Variants in MGA observed in about 807,000 individuals in gnomAD.
MGA encodes the protein MAX gene-associated protein.
Under a neutral mutation model 261.1 loss-of-function variants are expected in MGA, and 40 were observed. The observed-to-expected ratio is 0.15, with a 90% CI of 0.12 to 0.20. The LOEUF is 0.20. Ranked by LOEUF, MGA falls within the 10% of genes least tolerant of loss-of-function variation. MGA has a pLI of 1.00. For synonymous variants in MGA, 1,302 were observed against 1,290.6 expected (o/e 1.01, Z -0.19); for missense variants, 3,397 against 3,630.5 (o/e 0.94, Z 1.65).
chr15:41,661,623 G>A (rs2057407287), intron 1 of MGA, among the ~76,000 whole-genome samples: 1 of 152,144 alleles, frequency 6.6e-6, no homozygotes, highest in Non-Finnish European at 1.5e-5. Context: ...CTTTCCCAAG[G>A]TTCGCCTCGC....
At position 41,696,499 on chromosome 15, in the gene MGA, G is replaced by A; in HGVS notation, c.1489G>A (p.Asp497Asn). 1 of 1,613,962 alleles carries A rather than the reference G, an allele frequency of 6.2e-7. No homozygotes were observed. The highest frequency in any genetic ancestry group is 8.5e-7 in the Non-Finnish European group (1 of 1,179,904). Reference sequence around the variant, plus strand: ...TAACATGCTTTCCACATCTCGAAAGGATAAATCTTCTATGTTGGCAGAATT... The same window carrying A: ...TAACATGCTTTCCACATCTCGAAAGAATAAATCTTCTATGTTGGCAGAATT... The change falls in exon 3 of 24, where the codon GAT becomes AAT. Residue 497 changes from aspartate to asparagine, a missense_variant. By Grantham distance (23) the Asp-to-Asn change is conservative. Transcript: ENST00000219905.
upstream of MGA, among the ~76,000 whole-genome samples, chr15:41,656,345 T>TCTCTCTCTCTCTCTCTCTCTC (rs2057182534): frequency 2.2e-4 from 3 of 13,950 alleles, no homozygotes; most frequent in African/African-American, 3.6e-4. Context: ...TCTCCTCTCT[T>TCTCTCTCTCTCTCTCTCTCTC]CTCTCTCTCT....
At chr15:41,719,247 G>C (rs2060815319) in intron 9 of MGA, among the ~76,000 whole-genome samples, 1 of 151,932 alleles carries the variant, frequency 6.6e-6, no homozygotes, top group Non-Finnish European at 1.5e-5. Flanking sequence ...GATTTTAAGA[G>C]GCCTAAATAA....
intron 9 of MGA, among the ~76,000 whole-genome samples, chr15:41,717,003 A>T (rs1300975624): frequency 6.6e-6 from 1 of 152,166 alleles, no homozygotes; most frequent in Admixed American, 6.5e-5. Context: ...AGGTTCTATC[A>T]TTTAAACCTT....
At chr15:41,715,899 G>A (rs1178873563) in intron 9 of MGA, among the ~76,000 whole-genome samples, 1 of 152,102 alleles carries the variant, frequency 6.6e-6, no homozygotes, top group Non-Finnish European at 1.5e-5. Flanking sequence ...CTTAAGACAA[G>A]CATTTCCATT....
intron 12 of MGA, among the ~76,000 whole-genome samples, chr15:41,735,239 T>C (rs1047944216): frequency 1.3e-5 from 2 of 152,160 alleles, no homozygotes; most frequent in African/African-American, 4.8e-5. Flanking sequence ...GCCCTTGACA[T>C]ACCAGTACAC....
intron 12 of MGA, among the ~76,000 whole-genome samples, chr15:41,735,031 G>A (rs2061695247): frequency 6.6e-6 from 1 of 152,208 alleles, no homozygotes; most frequent in Non-Finnish European, 1.5e-5. Flanking sequence ...GTAGTGGTCA[G>A]GTGGTTACCA....
chr15:41,699,134 G>C lies in MGA; in HGVS notation c.2163G>C (p.Gln721His). The C allele has an allele frequency of 6.2e-7, 1 of 1,610,678 alleles. No homozygotes were observed. Among genetic ancestry groups the C allele is most frequent in the Non-Finnish European group, 8.5e-7 (1 of 1,178,276 alleles). The change falls in exon 5 of 24, where the codon CAG becomes CAC. Residue 721 changes from glutamine to histidine, a missense_variant. By Grantham distance (24) the Gln-to-His change is conservative (BLOSUM62 0). Around this residue, in one of 9 missense-constraint regions of MGA, gnomAD observed 563 missense variants for 563.6 expected, o/e 1.00. Transcript: ENST00000219905. ...ATTTGAAGACTTTGCGGCACAAGCA[G>C]GTGATACATCCTGGTCTTCAAGAAG...
At chr15:41,666,940 A>G (rs1039315247) in intron 1 of MGA, among the ~76,000 whole-genome samples, 1 of 152,200 alleles carries the variant, frequency 6.6e-6, no homozygotes, top group Non-Finnish European at 1.5e-5. Context: ...ATAGGATGAT[A>G]TATGGATTTG....
intron 22 of MGA, among the ~76,000 whole-genome samples, chr15:41,762,883 G>A (rs956570823): frequency 6.6e-6 from 1 of 152,108 alleles, no homozygotes; most frequent in Non-Finnish European, 1.5e-5. Flanking sequence ...ATCCTGAGAA[G>A]TTACCAGTCC....
In MGA at chr15:41,687,163, T is replaced by C. The variant is rs184372372; in HGVS notation, c.1065-8912T>C. Among the ~76,000 whole-genome samples the C allele has an allele frequency of 4.6e-5, 7 of 152,306 alleles. No homozygotes were observed. In the East Asian group the frequency reaches 1.3e-3, roughly 29 times the overall value. On this transcript the variant is annotated intron_variant, in intron 2 of 23. Transcript: ENST00000219905. ...CATTGATTTTTCTCTCATCATTAAC[T>C]CCTTTGTTCTACTTGTTTTTGGTTT...
At chr15:41,687,918 G>A (rs904591301) in intron 2 of MGA, among the ~76,000 whole-genome samples, 4 of 151,920 alleles carry the variant, frequency 2.6e-5, no homozygotes, top group Non-Finnish European at 4.4e-5. Flanking sequence ...ATCTCCCACC[G>A]TATTTGTGGA....
chr15:41,748,265 A>T lies in MGA; in HGVS notation c.5213-372A>T, dbSNP rs76522043. ...AACCCTGCCTCTTTAAAAAAAAAAA[A>T]ATATAGACTGGGCGCGGTGGCTCAC... On this transcript the variant is annotated intron_variant, in intron 15 of 23. Transcript: ENST00000219905. 2.0e-3 allele frequency among the ~76,000 whole-genome samples: 299 copies of T among 151,726 alleles called. 1 individual carries two copies. The highest frequency in any genetic ancestry group is 2.6e-3 in the African/African-American group (109 of 41,364).
intron 19 of MGA, among the ~76,000 whole-genome samples, chr15:41,758,239 C>T (rs1185598263): frequency 2.6e-5 from 4 of 151,960 alleles, no homozygotes; most frequent in African/African-American, 9.7e-5. Context: ...AAAAATAAAC[C>T]TTTAATTTTC....
intron 5 of MGA, among the ~76,000 whole-genome samples, chr15:41,702,019 C>CT (rs1275341487): frequency 6.6e-6 from 1 of 151,832 alleles, no homozygotes; most frequent in Non-Finnish European, 1.5e-5. Flanking sequence ...CCTTGGCTTC[C>CT]TTTAAAAAGC....
chr15:41,697,955 G>A (rs766603598), intron 3 of MGA, among the ~76,000 whole-genome samples: 3 of 151,962 alleles, frequency 2.0e-5, no homozygotes, highest in Admixed American at 6.6e-5. Context: ...TGCAAACTCC[G>A]CCTCCTGTGT....
At chr15:41,695,628 G>A (rs2059518556) in intron 2 of MGA, among the ~76,000 whole-genome samples, 1 of 152,136 alleles carries the variant, frequency 6.6e-6, no homozygotes, top group African/African-American at 2.4e-5. Context: ...ATACGTATTT[G>A]CCTTTAACTC....
chr15:41,633,354 ATT>A (rs60602781), intron 1 of MGA, among the ~76,000 whole-genome samples: 42,023 of 112,120 alleles, frequency 0.37, 6,234 homozygotes, highest in Middle Eastern at 0.5. Flanking sequence ...CTCCTATGGT[ATT>A]TTTTTTTTTT....
Position 41,749,714 on chromosome 15 carries a change from G to A in MGA, c.6107G>A (p.Cys2036Tyr), listed in dbSNP as rs754368991. 15 of 1,613,884 alleles carry A rather than the reference G, an allele frequency of 9.3e-6. No homozygotes were observed. The South Asian group carries it at 1.5e-4, about 17-fold the overall frequency. The change falls in exon 17 of 24, where the codon TGC becomes TAC. Residue 2036 changes from cysteine (C) to tyrosine (Y), a missense_variant. Coordinates refer to ENST00000219905, the MANE Select transcript of MGA (RefSeq NM_001164273.2). ...AGGGGTGATCATTTGGATGAAGAAT[G>A]CCTTCCAGAAGAAGGTTGTGCAACT...
Sources: allele counts gnomAD v4.1 joint callset (sites outside exome capture counted in the v4.1 genomes callset), GRCh38; gene constraint gnomAD v4.1.1; regional missense constraint gnomAD v4.1.1; transcripts MANE v1.5; gene names NCBI Gene and HGNC (gene_info 2026-07-23, HGNC 2026-07-21).